The following SIRPA variants were observed in gnomAD, a reference collection of about 807,000 sequenced individuals.
SIRPA encodes the protein signal regulatory protein alpha.
A neutral mutation model predicts 50.3 loss-of-function variants in SIRPA; 9 were observed. That is an observed-to-expected ratio of 0.18 (90% CI 0.11 to 0.31). SIRPA has a LOEUF of 0.31. SIRPA is among the 10% of genes least tolerant of loss of function. The pLI, the probability that SIRPA is intolerant of heterozygous loss-of-function variation, is 1.00. For synonymous variants in SIRPA, 265 were observed against 284.1 expected, an observed-to-expected ratio of 0.93 and a Z score of 0.68; for missense variants, 474 against 661.6, an observed-to-expected ratio of 0.72 and a Z score of 3.11.
chr20:1,902,749 C>A (rs955658157), intron 1 of SIRPA, among the ~76,000 whole-genome samples: 1 of 152,180 alleles, frequency 6.6e-6, no homozygotes, highest in South Asian at 2.1e-4. Flanking sequence ...CGGTGGCTCA[C>A]GCCTATAATC....
Position 1,936,912 on chromosome 20 carries a change from A to G in SIRPA, c.1267-408A>G, listed in dbSNP as rs1313807706. Among the ~76,000 whole-genome samples the G allele has an allele frequency of 6.6e-6, 1 of 152,066 alleles. No individual in the cohort carries two copies. Among genetic ancestry groups the G allele is most frequent in the African/African-American group, 2.4e-5 (1 of 41,406 alleles). The stretch of plus-strand genomic sequence containing the variant: ...GAGAGCCAGGGAGGGTCTTAGTATG[A>G]GCCATGCTTCATCTGAAATTTACAT... On this transcript the variant is annotated intron_variant, in intron 7 of 7. Transcript: ENST00000358771. This position sits in a 1 kb window ranked among gnomAD's most constrained non-coding sequence, Gnocchi z 4.2.
rs116444010 is a variant in SIRPA at position 1,936,275 on chromosome 20, A to C, written c.1267-1045A>C. The stretch of plus-strand genomic sequence containing the variant: ...GCAGTGGCAGGTTGATAGGATTAGC[A>C]CATGGGAGGTATCCAAGTTTGCTAA... On this transcript the variant is annotated intron_variant, in intron 7 of 7. Transcript: ENST00000358771. This position sits in a 1 kb window ranked among gnomAD's most constrained non-coding sequence, Gnocchi z 4.2. Among the ~76,000 whole-genome samples, 2 of 152,210 alleles carry C rather than the reference A, an allele frequency of 1.3e-5. No individual in the cohort carries two copies. Among genetic ancestry groups the C allele is most frequent in the Admixed American group, 1.3e-4 (2 of 15,282 alleles).
chr20:1,906,044 C>A (rs1016596625), intron 1 of SIRPA, among the ~76,000 whole-genome samples: 1 of 152,222 alleles, frequency 6.6e-6, no homozygotes, highest in Non-Finnish European at 1.5e-5. Flanking sequence ...TCTTTAGACA[C>A]CCATCTGCAT....
At chr20:1,912,784 G>GCTGTC (rs1462865441) in intron 1 of SIRPA, among the ~76,000 whole-genome samples, 1 of 152,244 alleles carries the variant, frequency 6.6e-6, no homozygotes, top group Non-Finnish European at 1.5e-5. Context: ...GGGGAGCCAT[G>GCTGTC]CTGTCACCCA....
intron 1 of SIRPA, among the ~76,000 whole-genome samples, chr20:1,902,147 A>G (rs2122991106): frequency 6.6e-6 from 1 of 152,336 alleles, no homozygotes; most frequent in Admixed American, 6.5e-5. Context: ...ACTCTATACC[A>G]TGCTTGTCCC....
intron 1 of SIRPA, among the ~76,000 whole-genome samples, chr20:1,902,456 A>C (rs1260428358): frequency 1.3e-5 from 2 of 152,208 alleles, no homozygotes; most frequent in African/African-American, 4.8e-5. Flanking sequence ...GGGTCATTTT[A>C]ATTGTAAATA....
intron 1 of SIRPA, among the ~76,000 whole-genome samples, chr20:1,912,556 T>C (rs183025447): frequency 6.6e-6 from 1 of 152,404 alleles, no homozygotes; most frequent in Admixed American, 6.5e-5. Context: ...TCCTACATCC[T>C]ACTATTGGGA....
At chr20:1,912,701 G>T (rs528770740) in intron 1 of SIRPA, among the ~76,000 whole-genome samples, 4 of 152,358 alleles carry the variant, frequency 2.6e-5, no homozygotes, top group Middle Eastern at 3.4e-3. Context: ...CTGTGCTGGG[G>T]TGGATGCCGG....
At position 1,898,503 on chromosome 20, in the gene SIRPA, G is replaced by A. The variant is rs1983962561; in HGVS notation, c.79+2977G>A. 6.6e-6 allele frequency among the ~76,000 whole-genome samples: 1 copy of A among 152,252 alleles called. No homozygotes were observed. The highest frequency in any genetic ancestry group is 2.4e-5 in the African/African-American group (1 of 41,550). On this transcript the variant is annotated intron_variant, in intron 1 of 7. Transcript: ENST00000358771. The surrounding 1 kb of genome is among the most constrained non-coding windows in gnomAD (Gnocchi z 4.3). ...GCGTTCCAGGCCGGATGCTGCTCCT[G>A]CGTCGTCTCACCCGCAAGACATGGA...
At chr20:1,935,775 CCAGA>C (rs1986542678) in intron 7 of SIRPA, among the ~76,000 whole-genome samples, 1 of 152,198 alleles carries the variant, frequency 6.6e-6, no homozygotes, top group Non-Finnish European at 1.5e-5. Context: ...GGACAGTGAG[CCAGA>C]CAGTCACAGC....
intron 3 of SIRPA, among the ~76,000 whole-genome samples, chr20:1,922,047 A>G (rs189533714): frequency 6.6e-6 from 1 of 152,254 alleles, no homozygotes; most frequent in East Asian, 1.9e-4. Flanking sequence ...ACAACATTCC[A>G]ACTGCATGCC....
intron 1 of SIRPA, among the ~76,000 whole-genome samples, chr20:1,908,892 T>C (rs1379116625): frequency 6.6e-6 from 1 of 152,242 alleles, no homozygotes; most frequent in Non-Finnish European, 1.5e-5. Flanking sequence ...TCCGCCTTAA[T>C]GCACATTTAT....
chr20:1,900,625 C>A (rs1984133991), intron 1 of SIRPA, among the ~76,000 whole-genome samples: 1 of 152,152 alleles, frequency 6.6e-6, no homozygotes, highest in African/African-American at 2.4e-5. Flanking sequence ...GCCAGAAGAA[C>A]AGAGAGAAAA....
At position 1,934,476 on chromosome 20, in the gene SIRPA, T is replaced by C. The variant is rs1447600992; in HGVS notation, c.1227-239T>C. Among the ~76,000 whole-genome samples the C allele has an allele frequency of 1.3e-5, 2 of 152,216 alleles. No homozygotes were observed. Among genetic ancestry groups the C allele is most frequent in the African/African-American group, 2.4e-5 (1 of 41,460 alleles). On this transcript the variant is annotated intron_variant, in intron 6 of 7. Coordinates refer to ENST00000358771, the MANE Select transcript of SIRPA (RefSeq NM_001040023.2). The surrounding 1 kb of genome is among the most constrained non-coding windows in gnomAD (Gnocchi z 4.6). The stretch of plus-strand genomic sequence containing the variant: ...CCCCAGCACCAAGTATTATAATTTT[T>C]AAAGATCCTTGCCAATAGAGTAGGT...
chr20:1,897,169 C>G (rs1983882819), intron 1 of SIRPA, among the ~76,000 whole-genome samples: 1 of 152,200 alleles, frequency 6.6e-6, no homozygotes, highest in South Asian at 2.1e-4. Flanking sequence ...CAACACCTTT[C>G]TTGTGAGCAC....
At chr20:1,905,443 G>A (rs767715532) in intron 1 of SIRPA, among the ~76,000 whole-genome samples, 2 of 152,184 alleles carry the variant, frequency 1.3e-5, no homozygotes, top group African/African-American at 2.4e-5. Context: ...CTGCCACTCT[G>A]GGCCAGGATG....
At chr20:1,905,078 T>TA (rs1298694417) in intron 1 of SIRPA, among the ~76,000 whole-genome samples, 30 of 152,220 alleles carry the variant, frequency 2.0e-4, no homozygotes, top group Admixed American at 2.0e-3. Flanking sequence ...CCGTGGAAAG[T>TA]GCTTTTGCAA....
In SIRPA at chr20:1,936,060, T is replaced by C. The variant is rs943386067; in HGVS notation, c.1267-1260T>C. On this transcript the variant is annotated intron_variant, in intron 7 of 7. Coordinates refer to ENST00000358771, the MANE Select transcript of SIRPA (RefSeq NM_001040023.2). The surrounding 1 kb of genome is among the most constrained non-coding windows in gnomAD (Gnocchi z 4.2). ...ATAGATAATCCTTCCCAAGCAGGGT[T>C]GTGGTAAGAGTGGATGGGGTGATCT... 1.3e-5 allele frequency among the ~76,000 whole-genome samples: 2 copies of C among 152,018 alleles called. No homozygotes were observed. Among genetic ancestry groups the C allele is most frequent in the African/African-American group, 4.8e-5 (2 of 41,384 alleles).
rs1413980681 is a variant in SIRPA at position 1,927,077 on chromosome 20, C to T, written c.1202-798C>T. Among the ~76,000 whole-genome samples, 2 of 152,204 alleles carry T rather than the reference C, an allele frequency of 1.3e-5. No homozygotes were observed. Among genetic ancestry groups the T allele is most frequent in the Non-Finnish European group, 2.9e-5 (2 of 68,026 alleles). On this transcript the variant is annotated intron_variant, in intron 5 of 7. Transcript: ENST00000358771. This position sits in a 1 kb window ranked among gnomAD's most constrained non-coding sequence, Gnocchi z 6.5. Reference sequence around the variant, plus strand: ...CTGAGCACAGCTTCCAACTGGTACACCTCATCTAAAGATCCAGGACCTGCC... The same window carrying T: ...CTGAGCACAGCTTCCAACTGGTACATCTCATCTAAAGATCCAGGACCTGCC...
Sources: gnomAD v4.1 joint callset for allele counts (sites outside exome capture counted in the v4.1 genomes callset) on GRCh38, gnomAD v4.1.1 for gene constraint, Gnocchi (gnomAD v3.1) non-coding constraint, MANE v1.5 for transcripts, NCBI Gene and HGNC (gene_info 2026-07-23, HGNC 2026-07-21) for gene names.